Variants in BBX observed in about 807,000 individuals in gnomAD.
BBX encodes the protein BBX high mobility group box domain containing.
In BBX, 30 loss-of-function variants were observed where a neutral mutation model predicts 100.2. The observed-to-expected ratio is 0.30, with a 90% confidence interval of 0.22 to 0.41. The LOEUF is 0.41. BBX is among the 10% of genes least tolerant of loss of function. The pLI is 1.00. For synonymous variants in BBX, 376 were observed against 388.1 expected (o/e 0.97, Z 0.37); for missense variants, 1,023 against 1,129.8 (o/e 0.91, Z 1.35).
chr3:107,614,863 T>C (rs2055134451), intron 2 of BBX, among the ~76,000 whole-genome samples: 1 of 152,160 alleles, frequency 6.6e-6, no homozygotes, highest in Non-Finnish European at 1.5e-5. Context: ...GCAGGGAGAA[T>C]ATCAGAATAC....
chr3:107,717,851 T>C (rs1181213494), intron 5 of BBX, among the ~76,000 whole-genome samples: 1 of 152,078 alleles, frequency 6.6e-6, no homozygotes, highest in East Asian at 1.9e-4. Context: ...AATTCTAACA[T>C]TATTTCCTCA....
At chr3:107,595,698 A>G (rs2053627673) in intron 2 of BBX, among the ~76,000 whole-genome samples, 1 of 152,194 alleles carries the variant, frequency 6.6e-6, no homozygotes, top group South Asian at 2.1e-4. Context: ...GTATAGTTAA[A>G]TTGTTCTATA....
At chr3:107,709,873 T>A (rs1439440455) in intron 3 of BBX, among the ~76,000 whole-genome samples, 2 of 152,270 alleles carry the variant, frequency 1.3e-5, no homozygotes, top group Non-Finnish European at 2.9e-5. Flanking sequence ...CTTGGCCATT[T>A]CTTAGCTTAG....
chr3:107,679,063 G>A (rs1242437028), intron 3 of BBX, among the ~76,000 whole-genome samples: 1 of 151,772 alleles, frequency 6.6e-6, no homozygotes, highest in African/African-American at 2.4e-5. Flanking sequence ...CAAATCGCAT[G>A]AGATATGAAG....
chr3:107,807,385 A>G lies in BBX; in HGVS notation c.*1928A>G, dbSNP rs994633499. On this transcript the variant is annotated 3_prime_UTR_variant, in exon 18 of 18. Coordinates refer to ENST00000325805, the MANE Select transcript of BBX (RefSeq NM_001142568.3). ...CAGACTTTTGCATAATATTTTTACT[A>G]TGATGCTGTTTTATTAATATTTTCT... The G allele has an allele frequency of 3.9e-5, 6 of 152,198 alleles. No homozygotes were observed. Among genetic ancestry groups the G allele is most frequent in the African/African-American group, 1.4e-4 (6 of 41,448 alleles). The allele number at this position is 152,198 out of a possible 1,614,324, so 9.4% of individuals were successfully genotyped here. A position where few individuals can be genotyped will look rare whatever the true frequency, so the allele number is the denominator to read the frequency against.
chr3:107,758,321 T>C (rs1376485153), intron 10 of BBX, among the ~76,000 whole-genome samples: 2 of 152,164 alleles, frequency 1.3e-5, no homozygotes, highest in African/African-American at 4.8e-5. Flanking sequence ...CTGAAGGAAG[T>C]TGACAGCATG....
intron 8 of BBX, 33 bp downstream of exon 8, chr3:107,744,743 G>T: frequency 1.3e-6 from 2 of 1,556,714 alleles, no homozygotes; most frequent in Non-Finnish European, 1.8e-6. Flanking sequence ...TAACTAATGA[G>T]GAAATTGTAA....
At chr3:107,725,781 G>C (rs1314383902) in intron 5 of BBX, among the ~76,000 whole-genome samples, 3 of 152,038 alleles carry the variant, frequency 2.0e-5, no homozygotes, top group African/African-American at 7.2e-5. Flanking sequence ...CAGGAACTAT[G>C]TGTCTACTGC....
At chr3:107,648,755 G>A (rs1039219524) in intron 3 of BBX, among the ~76,000 whole-genome samples, 1 of 152,106 alleles carries the variant, frequency 6.6e-6, no homozygotes. Context: ...AAAATTGTTA[G>A]CACATAGAAC....
chr3:107,566,058 C>T (rs2050878655), intron 2 of BBX, among the ~76,000 whole-genome samples: 1 of 150,972 alleles, frequency 6.6e-6, no homozygotes, highest in East Asian at 2.0e-4. Flanking sequence ...GCCTGTAATC[C>T]CAGCCACTTG....
At chr3:107,578,805 A>G (rs1425398347) in intron 2 of BBX, among the ~76,000 whole-genome samples, 2 of 152,100 alleles carry the variant, frequency 1.3e-5, no homozygotes, top group Non-Finnish European at 2.9e-5. Context: ...TCCCTGGGCC[A>G]AGGGGAATGT....
chr3:107,573,287 C>T (rs947371533), intron 2 of BBX, among the ~76,000 whole-genome samples: 16 of 152,028 alleles, frequency 1.1e-4, no homozygotes, highest in African/African-American at 2.9e-4. Flanking sequence ...TGGCTGGGTG[C>T]GGTGGCTCAC....
chr3:107,568,526 T>G (rs1050085036), intron 2 of BBX, among the ~76,000 whole-genome samples: 5 of 152,168 alleles, frequency 3.3e-5, no homozygotes, highest in Admixed American at 2.0e-4. Context: ...CCCAAAGTGC[T>G]GGGATTACAG....
At chr3:107,567,426 G>T (rs1046045148) in intron 2 of BBX, among the ~76,000 whole-genome samples, 1 of 152,012 alleles carries the variant, frequency 6.6e-6, no homozygotes, top group African/African-American at 2.4e-5. Context: ...AAGCTATATT[G>T]TTAAGTATAT....
At chr3:107,635,552 G>A (rs1201553192) in intron 2 of BBX, among the ~76,000 whole-genome samples, 2 of 152,120 alleles carry the variant, frequency 1.3e-5, no homozygotes, top group African/African-American at 4.8e-5. Context: ...ACTGATATGT[G>A]TAGTAAAAAT....
At chr3:107,562,976 T>C (rs1447572967) in intron 2 of BBX, among the ~76,000 whole-genome samples, 1 of 152,224 alleles carries the variant, frequency 6.6e-6, no homozygotes, top group Non-Finnish European at 1.5e-5. Context: ...ATGTGTGGTG[T>C]TATGCAAATA....
At chr3:107,555,643 G>A (rs1013140458) in intron 2 of BBX, among the ~76,000 whole-genome samples, 7 of 152,140 alleles carry the variant, frequency 4.6e-5, no homozygotes, top group Non-Finnish European at 8.8e-5. Flanking sequence ...AGTTAAAGAA[G>A]CCCCAAGGAA....
intron 3 of BBX, among the ~76,000 whole-genome samples, chr3:107,652,285 G>A (rs912700183): frequency 6.6e-6 from 1 of 151,408 alleles, no homozygotes; most frequent in Non-Finnish European, 1.5e-5. Flanking sequence ...TAGTGATTTG[G>A]CATTTGTCTA....
intron 5 of BBX, among the ~76,000 whole-genome samples, chr3:107,721,207 G>GT (rs1385297039): frequency 6.6e-6 from 1 of 151,930 alleles, no homozygotes; most frequent in East Asian, 1.9e-4. Flanking sequence ...TCTTTTGACT[G>GT]TTTTTTGAAA....
Sources: allele counts gnomAD v4.1 joint callset (sites outside exome capture counted in the v4.1 genomes callset), GRCh38; gene constraint gnomAD v4.1.1; transcripts MANE v1.5; gene names NCBI Gene and HGNC (gene_info 2026-07-23, HGNC 2026-07-21).